Variants in DSTYK observed in about 807,000 individuals in gnomAD.
The protein encoded by DSTYK is RIP-homologous kinase.
DSTYK carries 34 observed loss-of-function variants against 98.7 expected under a neutral mutation model. That is an observed-to-expected ratio of 0.34 (90% CI 0.26 to 0.46). The LOEUF (loss-of-function observed/expected upper bound fraction) is 0.46, where lower values mean the gene tolerates loss of function less well. Ranked by LOEUF, DSTYK falls within the 20% of genes least tolerant of loss-of-function variation. DSTYK has a pLI of 1.00. For missense variants in DSTYK, 962 were observed against 1,181.7 expected (o/e 0.81, Z 2.73); for synonymous variants, 462 against 457.3 (o/e 1.01, Z -0.13).
intron 1 of DSTYK, among the ~76,000 whole-genome samples, chr1:205,209,881 C>CG (rs1179725914): frequency 4.0e-5 from 6 of 149,016 alleles, no homozygotes; most frequent in African/African-American, 1.3e-4. Context: ...TCCCCAGTGT[C>CG]TTTTATTATT....
chr1:205,148,372 C>T (rs756480232), intron 11 of DSTYK, 33 bp from the exon 12 acceptor site: 1 of 1,608,922 alleles, frequency 6.2e-7, no homozygotes, highest in South Asian at 1.1e-5. Context: ...CGTAATGAGC[C>T]ACAGAGAGTC....
intron 2 of DSTYK, chr1:205,173,390 C>CAAAAAAAAAAAA (rs570805658): frequency 4.8e-5 from 4 of 82,584 alleles, no homozygotes; most frequent in Non-Finnish European, 6.7e-5. Context: ...GAGACTGTCT[C>CAAAAAAAAAAAA]AAAAAAAAAA....
At chr1:205,174,176 C>T (rs1460903007) in intron 2 of DSTYK, among the ~76,000 whole-genome samples, 5 of 151,848 alleles carry the variant, frequency 3.3e-5, no homozygotes, top group South Asian at 2.1e-4. Context: ...GCCAGGAGTT[C>T]GGGACCAGCC....
Position 205,145,898 on chromosome 1 carries a change from A to G in DSTYK, c.*1660T>C, listed in dbSNP as rs902747723. 3 of 152,134 alleles carry G rather than the reference A, an allele frequency of 2.0e-5. No individual in the cohort carries two copies. Among genetic ancestry groups the G allele is most frequent in the Admixed American group, 2.0e-4 (3 of 15,272 alleles). The allele number at this position is 152,134 out of a possible 1,614,324, so 9.4% of individuals were successfully genotyped here. A position where few individuals can be genotyped will look rare whatever the true frequency, so the allele number is the denominator to read the frequency against. ...AGGCTTGAAGTCAAGTGCATCTGAG[A>G]TGCACCAATATTTAAATTGTTCCCC... On this transcript the variant is annotated 3_prime_UTR_variant, in exon 13 of 13. Transcript: ENST00000367162.
intron 1 of DSTYK, among the ~76,000 whole-genome samples, chr1:205,195,778 AG>A (rs35983633): frequency 6.6e-6 from 1 of 152,204 alleles, no homozygotes; most frequent in African/African-American, 2.4e-5. Context: ...CCGCCTCCCT[AG>A]GGGCTGATAC....
At chr1:205,155,726 C>T (rs1168149135) in intron 10 of DSTYK, among the ~76,000 whole-genome samples, 1 of 151,888 alleles carries the variant, frequency 6.6e-6, no homozygotes, top group Non-Finnish European at 1.5e-5. Context: ...AAATTCAAGC[C>T]TGCTGCAGAA....
At position 205,211,402 on chromosome 1, in the gene DSTYK, A is replaced by C. The variant is rs775661653; in HGVS notation, c.134T>G (p.Leu45Arg). Residue 45 changes from leucine (L) to arginine (R), a missense_variant, in exon 1 of 13, where the codon CTG (leucine) becomes CGG (arginine). This residue lies in a region of DSTYK where 168 missense variants were observed against 120.0 expected (regional missense o/e 1.40). Transcript: ENST00000367162. The stretch of plus-strand genomic sequence containing the variant: ...GCGGAAGAACTTCTGGGTCTCGCGC[A>C]GGTTCTGTCGCAGCCGTCCCAGGTA... ...RRYLGRLRQN[L>R]RETQKFFRDI... The C allele has an allele frequency of 6.2e-7, 1 of 1,611,548 alleles. No homozygotes were observed.
intron 1 of DSTYK, among the ~76,000 whole-genome samples, chr1:205,209,620 A>T (rs1366828092): frequency 1.2e-4 from 18 of 151,936 alleles, no homozygotes; most frequent in East Asian, 3.9e-4. Flanking sequence ...GTAACATAAA[A>T]GGAGGGGGAT....
At position 205,150,864 on chromosome 1, in the gene DSTYK, T is replaced by A; in HGVS notation, c.2353-70A>T. 2 of 1,223,830 alleles carry A rather than the reference T, an allele frequency of 1.6e-6. No individual in the cohort carries two copies. Among genetic ancestry groups the A allele is most frequent in the South Asian group, 2.4e-5 (2 of 81,778 alleles). 75.8% of individuals were successfully genotyped at this position (1,223,830 alleles called of 1,614,324 possible). A position where few individuals can be genotyped will look rare whatever the true frequency, so the allele number is the denominator to read the frequency against. On this transcript the variant is annotated intron_variant, in intron 10 of 12. Transcript: ENST00000367162. The surrounding 1 kb of genome is among the most constrained non-coding windows in gnomAD (Gnocchi z 4.1). ...ACACAGCACTGCTGCGTACCTAAGC[T>A]CAAAGGTAGGTACCTCAAAGTAGTG...
chr1:205,180,436 C>G (rs1260336353), intron 2 of DSTYK, among the ~76,000 whole-genome samples: 1 of 152,136 alleles, frequency 6.6e-6, no homozygotes, highest in Admixed American at 6.6e-5. Flanking sequence ...CTGCAAAGGA[C>G]ATGAACTCAT....
Position 205,160,134 on chromosome 1 carries a change from A to T in DSTYK, c.2085T>A (p.Ala695=). The T allele has an allele frequency of 6.2e-7, 1 of 1,614,150 alleles. No homozygotes were observed. Among genetic ancestry groups the T allele is most frequent in the Non-Finnish European group, 8.5e-7 (1 of 1,180,006 alleles). Residue 695 remains alanine (A), a synonymous_variant, in exon 8 of 13, where the codon GCT becomes GCA. Coordinates refer to ENST00000367162, the MANE Select transcript of DSTYK (RefSeq NM_015375.3). ...CCCACCTCATATAGTGAAATTCCAA[A>T]GCCAGATCATTCCAGTGCTTCTCAT... ...PPDEKHWNDL[A]LEFHYMRSLP...
chr1:205,193,501 C>T (rs894391053), intron 1 of DSTYK, among the ~76,000 whole-genome samples: 1 of 152,100 alleles, frequency 6.6e-6, no homozygotes, highest in Non-Finnish European at 1.5e-5. Flanking sequence ...TTCTCCTAGC[C>T]TCCTGTCTGC....
chr1:205,187,428 G>A lies in DSTYK; in HGVS notation c.644C>T (p.Ala215Val), dbSNP rs771223776. 3.1e-5 allele frequency: 50 copies of A among 1,610,188 alleles called. No homozygotes were observed. The South Asian group carries it at 5.4e-4, about 17-fold the overall frequency. ...LAELEVTMHH[A>V]LLQEVDVVVA... ...GTATGAGATTGGTACCTGTAAGAGA[G>A]CATGGTGCATCGTTACCTCCAGTTC... The change falls in exon 2 of 13, where the codon GCT (alanine) becomes GTT (valine). Residue 215 changes from alanine (A) to valine (V), a missense_variant. Coordinates refer to ENST00000367162, the MANE Select transcript of DSTYK (RefSeq NM_015375.3).
chr1:205,156,611 C>G (rs1474618352), intron 10 of DSTYK, among the ~76,000 whole-genome samples: 1 of 152,144 alleles, frequency 6.6e-6, no homozygotes, highest in Admixed American at 6.5e-5. Context: ...TAGAAAGTAA[C>G]TAACTTGCTT....
At chr1:205,166,775 G>A (rs1327441602) in intron 3 of DSTYK, among the ~76,000 whole-genome samples, 1 of 152,154 alleles carries the variant, frequency 6.6e-6, no homozygotes, top group African/African-American at 2.4e-5. Context: ...TCTTTAGAAT[G>A]ACTATAAGAA....
chr1:205,157,453 G>A, intron 9 of DSTYK, 67 bp from the exon 10 acceptor site: 1 of 1,289,374 alleles, frequency 7.8e-7, no homozygotes, highest in Non-Finnish European at 1.1e-6. Context: ...ACTATACTAG[G>A]GCACATGAGG....
intron 3 of DSTYK, among the ~76,000 whole-genome samples, chr1:205,164,926 A>C (rs1657843533): frequency 6.6e-6 from 1 of 152,108 alleles, no homozygotes; most frequent in East Asian, 1.9e-4. Context: ...AGCCTCAAAG[A>C]GAGAACAAAG....
Position 205,159,681 on chromosome 1 carries a change from T to A in DSTYK, c.2106-2A>T. 1 of 1,613,118 alleles carries A rather than the reference T, an allele frequency of 6.2e-7. No homozygotes were observed. Among genetic ancestry groups the A allele is most frequent in the Non-Finnish European group, 8.5e-7 (1 of 1,179,918 alleles). On this transcript the variant is annotated splice_acceptor_variant, in intron 8 of 12. Transcript: ENST00000367162. LOFTEE classifies it high-confidence loss of function. ...AATCGCTCATGCTTCGGCAGAGACC[T>A]GGAGGGAAGGAGAGAGATCTGGGCT... is the stretch of plus-strand genomic sequence containing the variant.
chr1:205,166,436 A>G (rs1020609004), intron 3 of DSTYK, among the ~76,000 whole-genome samples: 1 of 151,542 alleles, frequency 6.6e-6, no homozygotes, highest in African/African-American at 2.4e-5. Context: ...GAGGATCGCT[A>G]CAAGCCTGGG....
Sources: allele counts gnomAD v4.1 joint callset (sites outside exome capture counted in the v4.1 genomes callset), GRCh38; gene constraint gnomAD v4.1.1; regional missense constraint gnomAD v4.1.1; non-coding constraint Gnocchi (gnomAD v3.1); transcripts MANE v1.5; gene names NCBI Gene and HGNC (gene_info 2026-07-23, HGNC 2026-07-21).